GPC5: variants seen among roughly 807,000 people sequenced by gnomAD.
The protein encoded by GPC5 is glypican-5.
Under a neutral mutation model 53.9 loss-of-function variants are expected in GPC5, and 47 were observed. That is an observed-to-expected ratio of 0.87 (90% confidence interval 0.69 to 1.11). The LOEUF is 1.11. GPC5 is among the 50% of genes most tolerant of loss of function. The pLI is 0.00. For missense variants in GPC5, 748 were observed against 713.1 expected (o/e 1.05, Z -0.56); for synonymous variants, 286 against 263.3 (o/e 1.09, Z -0.84).
chr13:92,355,721 A>G (rs1409416966), intron 7 of GPC5, among the ~76,000 whole-genome samples: 3 of 152,124 alleles, frequency 2.0e-5, no homozygotes, highest in Non-Finnish European at 4.4e-5. Context: ...CATCCACTGC[A>G]TGGGCATATG....
At chr13:91,773,990 T>G (rs2037668050) in intron 5 of GPC5, among the ~76,000 whole-genome samples, 1 of 152,232 alleles carries the variant, frequency 6.6e-6, no homozygotes, top group Non-Finnish European at 1.5e-5. Flanking sequence ...TGTTCTGGGA[T>G]TCCTAATTAG....
intron 7 of GPC5, among the ~76,000 whole-genome samples, chr13:92,349,777 A>G (rs1429194515): frequency 6.6e-6 from 1 of 152,028 alleles, no homozygotes; most frequent in East Asian, 1.9e-4. Flanking sequence ...AAAACCCAAG[A>G]CCTGATGGCT....
intron 7 of GPC5, among the ~76,000 whole-genome samples, chr13:92,756,382 T>C (rs2139333013): frequency 6.6e-6 from 1 of 151,994 alleles, no homozygotes; most frequent in Admixed American, 6.6e-5. Flanking sequence ...TCATACTGAA[T>C]GGACAAAAAC....
intron 7 of GPC5, among the ~76,000 whole-genome samples, chr13:92,183,415 C>T (rs1406835015): frequency 1.3e-5 from 2 of 151,862 alleles, no homozygotes; most frequent in Non-Finnish European, 2.9e-5. Flanking sequence ...TTTATTAATC[C>T]ACTATTTTCT....
At chr13:92,773,760 AT>A (rs1412854316) in intron 7 of GPC5, among the ~76,000 whole-genome samples, 1 of 152,094 alleles carries the variant, frequency 6.6e-6, no homozygotes, top group Non-Finnish European at 1.5e-5. Flanking sequence ...TTGATCTTGA[AT>A]TTCATCTGTT....
At position 92,851,617 on chromosome 13, in the gene GPC5, C is replaced by T. The variant is rs372854349; in HGVS notation, c.1562-14665C>T. On this transcript the variant is annotated intron_variant, in intron 7 of 7. Coordinates refer to ENST00000377067, the MANE Select transcript of GPC5 (RefSeq NM_004466.6). ...CATAAGCCGGTCGGGCACAGTGGCT[C>T]GCTCCTGTAATCCGAGCACTTTGGG... Among the ~76,000 whole-genome samples the T allele has an allele frequency of 2.3e-4, 35 of 151,970 alleles. No individual in the cohort carries two copies. In the East Asian group the frequency reaches 2.5e-3, roughly 11 times the overall value.
At chr13:92,330,171 A>G (rs1260202088) in intron 7 of GPC5, among the ~76,000 whole-genome samples, 1 of 152,156 alleles carries the variant, frequency 6.6e-6, no homozygotes, top group African/African-American at 2.4e-5. Context: ...TGGTAAACTG[A>G]GAAGGCTCAA....
At chr13:91,946,923 G>A (rs2039980025) in intron 6 of GPC5, among the ~76,000 whole-genome samples, 1 of 151,956 alleles carries the variant, frequency 6.6e-6, no homozygotes, top group African/African-American at 2.4e-5. Flanking sequence ...ATTCTGCATA[G>A]TGGAAAATGA....
At chr13:92,801,201 A>G (rs1445951624) in intron 7 of GPC5, among the ~76,000 whole-genome samples, 1 of 151,674 alleles carries the variant, frequency 6.6e-6, no homozygotes, top group African/African-American at 2.4e-5. Flanking sequence ...TTATATTTAT[A>G]CAGTCTACCT....
At chr13:91,574,936 A>G (rs1025070573) in intron 2 of GPC5, among the ~76,000 whole-genome samples, 9 of 152,182 alleles carry the variant, frequency 5.9e-5, no homozygotes, top group Admixed American at 5.9e-4. Flanking sequence ...GCTAGGAATC[A>G]TCCTAGAGTA....
At chr13:92,110,346 T>A (rs1259566600) in intron 6 of GPC5, among the ~76,000 whole-genome samples, 2 of 152,312 alleles carry the variant, frequency 1.3e-5, no homozygotes, top group East Asian at 3.9e-4. Flanking sequence ...CCTTATTAAC[T>A]ACCTGACAAG....
intron 7 of GPC5, among the ~76,000 whole-genome samples, chr13:92,656,930 A>C (rs532202293): frequency 6.6e-6 from 1 of 152,324 alleles, no homozygotes; most frequent in South Asian, 2.1e-4. Flanking sequence ...ATGCTCTCAC[A>C]CCGCACTCCA....
chr13:92,330,172 G>T (rs1446964768), intron 7 of GPC5, among the ~76,000 whole-genome samples: 2 of 152,144 alleles, frequency 1.3e-5, no homozygotes, highest in Non-Finnish European at 2.9e-5. Context: ...GGTAAACTGA[G>T]AAGGCTCAAG....
rs116743779 is a variant in GPC5, at chr13:91,600,392, G to A, written c.326-92795G>A. 8.7e-3 allele frequency among the ~76,000 whole-genome samples: 1,316 copies of A among 150,804 alleles called. 10 individuals carry two copies. The highest frequency in any genetic ancestry group is 0.021 in the African/African-American group (858 of 40,980). ...GTATAGACATGTATATAAAGACATG[G>A]CTGGGCACAGTATATAAAGACTTGG... On this transcript the variant is annotated intron_variant, in intron 2 of 7. Coordinates refer to ENST00000377067, the MANE Select transcript of GPC5 (RefSeq NM_004466.6).
At chr13:92,664,172 T>TTGTATGTAA (rs925105469) in intron 7 of GPC5, among the ~76,000 whole-genome samples, 12 of 151,944 alleles carry the variant, frequency 7.9e-5, no homozygotes, top group African/African-American at 2.2e-4. Context: ...CATGTGAAAG[T>TTGTATGTAA]TGTATGTAAG....
intron 7 of GPC5, among the ~76,000 whole-genome samples, chr13:92,296,412 G>A (rs1379046996): frequency 6.6e-6 from 1 of 152,126 alleles, no homozygotes; most frequent in East Asian, 1.9e-4. Flanking sequence ...GACTGTCCTT[G>A]GGCAGGTCTT....
chr13:92,041,353 C>T (rs969680436), intron 6 of GPC5, among the ~76,000 whole-genome samples: 26 of 152,286 alleles, frequency 1.7e-4, no homozygotes, highest in East Asian at 1.5e-3. Context: ...TGATCACGTA[C>T]TAGTCTAAAC....
chr13:91,543,796 A>G (rs2030111484), intron 2 of GPC5, among the ~76,000 whole-genome samples: 1 of 152,180 alleles, frequency 6.6e-6, no homozygotes, highest in Non-Finnish European at 1.5e-5. Context: ...GTAAAGAGAT[A>G]GAGACTCTTG....
intron 7 of GPC5, among the ~76,000 whole-genome samples, chr13:92,847,305 A>G (rs1878644021): frequency 6.6e-6 from 1 of 152,132 alleles, no homozygotes; most frequent in Non-Finnish European, 1.5e-5. Flanking sequence ...AACTTAGTTT[A>G]CCTCAAGTTC....
Sources: gnomAD v4.1 joint callset for allele counts (sites outside exome capture counted in the v4.1 genomes callset) on GRCh38, gnomAD v4.1.1 for gene constraint, MANE v1.5 for transcripts, NCBI Gene and HGNC (gene_info 2026-07-23, HGNC 2026-07-21) for gene names.